The following EFR3B variants were observed in gnomAD, a reference collection of about 807,000 sequenced individuals.
EFR3B encodes the protein protein EFR3 homolog B.
Under a neutral mutation model 104.7 loss-of-function variants are expected in EFR3B, and 64 were observed. That is an observed-to-expected ratio of 0.61 (90% CI 0.50 to 0.75). The LOEUF (loss-of-function observed/expected upper bound fraction) is 0.75. Ranked by LOEUF, EFR3B falls within the 30% of genes least tolerant of loss-of-function variation. The pLI is 0.00. For missense variants in EFR3B, 750 were observed against 1,078.5 expected, an observed-to-expected ratio of 0.70 and a Z score of 4.27; for synonymous variants, 385 against 417.9, an observed-to-expected ratio of 0.92 and a Z score of 0.96.
At chr2:25,110,918 C>T (rs1369637792) in intron 4 of EFR3B, among the ~76,000 whole-genome samples, 1 of 152,244 alleles carries the variant, frequency 6.6e-6, no homozygotes, top group Admixed American at 6.5e-5. Flanking sequence ...CGCAACCTCT[C>T]TCTGCCCCTC....
chr2:25,122,527 C>T (rs562174869), intron 5 of EFR3B, among the ~76,000 whole-genome samples: 1 of 152,164 alleles, frequency 6.6e-6, no homozygotes, highest in East Asian at 1.9e-4. Flanking sequence ...CTGCATTCTC[C>T]ACTCCATCTC....
In EFR3B at chr2:25,131,686, C is replaced by T. The variant is rs2149205641; in HGVS notation, c.986-64C>T. On this transcript the variant is annotated intron_variant, in intron 9 of 22. Transcript: ENST00000403714. The surrounding 1 kb of genome is among the most constrained non-coding windows in gnomAD (Gnocchi z 7.6). ...GGGGCGTGACCCTGCCCTGCCTGCG[C>T]GCGGTGCACAGAGGAGGAGGGTGCC... 2 of 1,478,146 alleles carry T rather than the reference C, an allele frequency of 1.4e-6. No homozygotes were observed. Among genetic ancestry groups the T allele is most frequent in the South Asian group, 1.4e-5 (1 of 72,524 alleles). 91.6% of individuals were successfully genotyped at this position (1,478,146 alleles called of 1,614,324 possible).
At chr2:25,081,394 C>A in intron 1 of EFR3B, 1 of 1,114,064 alleles carries the variant, frequency 9.0e-7, no homozygotes, top group East Asian at 2.3e-5. Context: ...GTTTATCCTG[C>A]ACATGTTATT....
At position 25,136,619 on chromosome 2, in the gene EFR3B, G is replaced by C; in HGVS notation, c.1560+21G>C. ...AGAAGGTAAACAAGCATGACCTCCA[G>C]GCACAGTGAAGGGCGGGCACGGTGG... On this transcript the variant is annotated intron_variant, in intron 14 of 22. Transcript: ENST00000403714. This position sits in a 1 kb window ranked among gnomAD's most constrained non-coding sequence, Gnocchi z 4.0. 6.5e-7 allele frequency: 1 copy of C among 1,549,230 alleles called. No individual in the cohort carries two copies. Among genetic ancestry groups the C allele is most frequent in the South Asian group, 1.2e-5 (1 of 84,000 alleles).
At chr2:25,135,710 G>A (rs915975759) in intron 13 of EFR3B, 71 bp downstream of exon 13, 3 of 1,515,340 alleles carry the variant, frequency 2.0e-6, no homozygotes, top group Non-Finnish European at 1.8e-6. Context: ...CTATCCTTTG[G>A]TCCTGTCCTC....
rs1305957542 is a variant in EFR3B, at chr2:25,153,815, T to A, written c.2348+54T>A. ...TGACCTCCGTGGCCCAGTATTGGGG[T>A]TCCTCATCCTGAGTCCTCTCACCCC... is the stretch of plus-strand genomic sequence containing the variant. On this transcript the variant is annotated intron_variant, in intron 22 of 22. Transcript: ENST00000403714. The A allele has an allele frequency of 1.8e-5, 27 of 1,523,970 alleles. No individual in the cohort carries two copies. In the East Asian group the frequency reaches 5.6e-4, roughly 32 times the overall value. 94.4% of individuals were successfully genotyped at this position (1,523,970 alleles called of 1,614,324 possible).
chr2:25,092,179 C>T (rs563402087), intron 2 of EFR3B, among the ~76,000 whole-genome samples: 2 of 152,036 alleles, frequency 1.3e-5, no homozygotes, highest in East Asian at 3.9e-4. Context: ...AGCAATTCTT[C>T]TGCCTCAGCC....
At chr2:25,146,108 T>C (rs1558620741) in intron 19 of EFR3B, 1 of 147,280 alleles carries the variant, frequency 6.8e-6, no homozygotes, top group Non-Finnish European at 1.5e-5. Context: ...TTTTTAATGC[T>C]GACTGTTACA....
intron 6 of EFR3B, among the ~76,000 whole-genome samples, chr2:25,129,337 C>T (rs1340987903): frequency 9.9e-4 from 9 of 9,102 alleles, no homozygotes; most frequent in Non-Finnish European, 2.1e-3. Flanking sequence ...GGGGCGGGGG[C>T]GGGGGCGGGG....
chr2:25,091,426 C>G (rs749801249), intron 2 of EFR3B, 25 bp downstream of exon 2: 1 of 1,541,266 alleles, frequency 6.5e-7, no homozygotes, highest in South Asian at 1.2e-5. Context: ...TGGCAGGCAT[C>G]GTGGCTCTCA....
intron 4 of EFR3B, among the ~76,000 whole-genome samples, chr2:25,105,233 A>C (rs1256102253): frequency 1.3e-5 from 2 of 152,026 alleles, no homozygotes; most frequent in Non-Finnish European, 2.9e-5. Context: ...GCTCACTGCA[A>C]CCTCCGCCTC....
intron 4 of EFR3B, among the ~76,000 whole-genome samples, chr2:25,120,350 C>A (rs78936199): frequency 1.4e-5 from 2 of 145,150 alleles, no homozygotes; most frequent in Non-Finnish European, 3.0e-5. Flanking sequence ...GACTTCATCT[C>A]AAAAAAAAAC....
chr2:25,139,257 C>T, intron 16 of EFR3B, 67 bp downstream of exon 16: 1 of 1,512,802 alleles, frequency 6.6e-7, no homozygotes, highest in Admixed American at 2.2e-5. Flanking sequence ...ACAGCTTTTC[C>T]TTAATTGCAT....
At chr2:25,070,409 A>G (rs1433972524) in intron 1 of EFR3B, among the ~76,000 whole-genome samples, 2 of 151,858 alleles carry the variant, frequency 1.3e-5, no homozygotes, top group South Asian at 4.2e-4. Flanking sequence ...TTACAGGTGC[A>G]TGCCACCACG....
Position 25,157,202 on chromosome 2 carries a change from T to C in EFR3B, c.*2862T>C, listed in dbSNP as rs1263302573. Reference sequence around the variant, plus strand: ...CAAAAATGTGCTTCTTTTGAAGAACTGGTCATTTTTTTTGAGTGCCCTCTT... The same window carrying C: ...CAAAAATGTGCTTCTTTTGAAGAACCGGTCATTTTTTTTGAGTGCCCTCTT... On this transcript the variant is annotated 3_prime_UTR_variant, in exon 23 of 23. Coordinates refer to ENST00000403714, the MANE Select transcript of EFR3B (RefSeq NM_014971.2). The C allele has an allele frequency of 6.6e-6, 1 of 152,254 alleles. No homozygotes were observed. The highest frequency in any genetic ancestry group is 1.9e-4 in the East Asian group (1 of 5,196). The allele number at this position is 152,254 out of a possible 1,614,324, so 9.4% of individuals were successfully genotyped here.
Position 25,069,846 on chromosome 2 carries a change from G to A in EFR3B, c.8-21479G>A, listed in dbSNP as rs576561819. ...CAAGTAGCTGGGACTACAGGCATGC[G>A]CCACCACGCCTGGCTAATTTTTTTG... On this transcript the variant is annotated intron_variant, in intron 1 of 22. Transcript: ENST00000403714. Among the ~76,000 whole-genome samples the A allele has an allele frequency of 3.9e-5, 6 of 152,252 alleles. No homozygotes were observed. In the East Asian group the frequency reaches 9.7e-4, roughly 25 times the overall value.
intron 1 of EFR3B, among the ~76,000 whole-genome samples, chr2:25,049,843 G>A (rs954838399): frequency 3.3e-5 from 5 of 151,944 alleles, no homozygotes; most frequent in South Asian, 2.1e-4. Context: ...GGCTGGTCGC[G>A]GTGGCTCAAG....
At position 25,148,125 on chromosome 2, in the gene EFR3B, A is replaced by G. The variant is rs930243531; in HGVS notation, c.2143-1569A>G. 1.9e-4 allele frequency among the ~76,000 whole-genome samples: 28 copies of G among 150,188 alleles called. 1 individual carries two copies. The highest frequency in any genetic ancestry group is 2.0e-4 in the Admixed American group (3 of 15,034). On this transcript the variant is annotated intron_variant, in intron 19 of 22. Transcript: ENST00000403714. ...TCTGGAATTTAGTCCAAATTCCTTC[A>G]TTATTTTCAGCATCTATGGATCTCC...
intron 4 of EFR3B, among the ~76,000 whole-genome samples, chr2:25,110,464 T>C (rs1669693962): frequency 6.6e-6 from 1 of 152,152 alleles, no homozygotes; most frequent in Admixed American, 6.5e-5. Flanking sequence ...GCCTTTGCCT[T>C]CTTCTCCCAC....
Sources: gnomAD v4.1 joint callset for allele counts (sites outside exome capture counted in the v4.1 genomes callset) on GRCh38, gnomAD v4.1.1 for gene constraint, Gnocchi (gnomAD v3.1) non-coding constraint, MANE v1.5 for transcripts, NCBI Gene and HGNC (gene_info 2026-07-23, HGNC 2026-07-21) for gene names.